PSMD1: variants seen among roughly 807,000 people sequenced by gnomAD.
PSMD1 encodes proteasome 26S subunit, non-ATPase 1.
In PSMD1, 18 loss-of-function variants were observed where a neutral mutation model predicts 119.0. The ratio of observed to expected loss-of-function variants is 0.15; its 90% CI spans 0.10 to 0.22. The LOEUF is 0.22. Ranked by LOEUF, PSMD1 falls within the 10% of genes least tolerant of loss-of-function variation. The pLI is 1.00. For synonymous variants in PSMD1, 374 were observed against 396.6 expected, an observed-to-expected ratio of 0.94 and a Z score of 0.68; for missense variants, 702 against 1,158.5, an observed-to-expected ratio of 0.61 and a Z score of 5.72.
intron 4 of PSMD1, 37 bp from the exon 5 acceptor site, chr2:231,066,869 A>G (rs2125155987): frequency 6.6e-7 from 1 of 1,507,214 alleles, no homozygotes; most frequent in African/African-American, 1.4e-5. Context: ...GTTTAGCCCA[A>G]TTTACAAGAT....
intron 16 of PSMD1, chr2:231,113,973 GGCAAC>G: frequency 2.0e-6 from 3 of 1,533,688 alleles, no homozygotes; most frequent in Non-Finnish European, 2.7e-6. Context: ...TCTATAAAAT[GGCAAC>G]TTTCAGTCTA....
At chr2:231,101,282 C>G (rs1694861346) in intron 16 of PSMD1, among the ~76,000 whole-genome samples, 2 of 152,046 alleles carry the variant, frequency 1.3e-5, no homozygotes, top group Admixed American at 6.5e-5. Context: ...GTTATCTAAC[C>G]CTTGCTCTTA....
chr2:231,115,150 T>C lies in PSMD1; in HGVS notation c.1884-23586T>C, dbSNP rs564164432. On this transcript the variant is annotated intron_variant, in intron 16 of 24. Coordinates refer to ENST00000308696, the MANE Select transcript of PSMD1 (RefSeq NM_002807.4). Reference sequence around the variant, plus strand: ...TCTTCTATTGTTAACTGTTTAAAATTTAAGGAGCCTGGGGGTGGAGAGAGA... The same window carrying C: ...TCTTCTATTGTTAACTGTTTAAAATCTAAGGAGCCTGGGGGTGGAGAGAGA... Among the ~76,000 whole-genome samples, 4 of 152,100 alleles carry C rather than the reference T, an allele frequency of 2.6e-5. No homozygotes were observed. In the South Asian group the frequency reaches 8.3e-4, roughly 32 times the overall value.
chr2:231,087,876 C>T (rs563907844), intron 16 of PSMD1, among the ~76,000 whole-genome samples: 3 of 151,922 alleles, frequency 2.0e-5, no homozygotes, highest in East Asian at 1.9e-4. Flanking sequence ...GCAGGAGAAT[C>T]GCTTGAATCT....
chr2:231,115,274 T>A (rs1436394164), intron 16 of PSMD1, among the ~76,000 whole-genome samples: 1 of 152,158 alleles, frequency 6.6e-6, no homozygotes, highest in Non-Finnish European at 1.5e-5. Context: ...GAGATTTTTT[T>A]AAAGTCAGGT....
intron 16 of PSMD1, among the ~76,000 whole-genome samples, chr2:231,103,486 A>G (rs927271500): frequency 1.3e-5 from 2 of 152,224 alleles, no homozygotes; most frequent in East Asian, 3.8e-4. Context: ...AGATCTGGCA[A>G]AACCTATGTG....
chr2:231,154,343 A>G (rs1485385326), intron 19 of PSMD1, among the ~76,000 whole-genome samples: 1 of 152,180 alleles, frequency 6.6e-6, no homozygotes, highest in African/African-American at 2.4e-5. Flanking sequence ...CTGAGGCAGG[A>G]GAATCACTTG....
rs536141090 is a variant in PSMD1, at chr2:231,145,463, A to G, written c.1999-777A>G. Among the ~76,000 whole-genome samples the G allele has an allele frequency of 7.2e-5, 11 of 152,342 alleles. No individual in the cohort carries two copies. In the South Asian group the frequency reaches 2.1e-3, roughly 29 times the overall value. On this transcript the variant is annotated intron_variant, in intron 17 of 24. Coordinates refer to ENST00000308696, the MANE Select transcript of PSMD1 (RefSeq NM_002807.4). ...GGCGTACGACACTATTGTCACTATA[A>G]TAGACTTTATAAACACTGTACACTT...
intron 5 of PSMD1, among the ~76,000 whole-genome samples, chr2:231,069,008 G>A (rs999320510): frequency 2.0e-5 from 3 of 152,124 alleles, no homozygotes; most frequent in African/African-American, 7.2e-5. Context: ...TACTGTTTGT[G>A]GTTTCAGGCA....
intron 17 of PSMD1, among the ~76,000 whole-genome samples, chr2:231,141,479 G>A (rs1265673381): frequency 6.7e-6 from 1 of 148,566 alleles, no homozygotes; most frequent in Non-Finnish European, 1.5e-5. Flanking sequence ...ACCCAGGCTG[G>A]AGTACAATGG....
At chr2:231,083,065 CCT>C in intron 13 of PSMD1, 71 bp downstream of exon 13, 3 of 1,167,718 alleles carry the variant, frequency 2.6e-6, no homozygotes, top group Non-Finnish European at 3.7e-6. Context: ...TTAGTTTCTA[CCT>C]ATATTTTGTA....
intron 16 of PSMD1, among the ~76,000 whole-genome samples, chr2:231,101,169 T>A (rs1432039978): frequency 1.3e-5 from 2 of 152,192 alleles, no homozygotes; most frequent in African/African-American, 2.4e-5. Context: ...TTAACATTGT[T>A]CACCCCCAAG....
chr2:231,078,053 A>G (rs1369038886), intron 9 of PSMD1, among the ~76,000 whole-genome samples: 1 of 152,232 alleles, frequency 6.6e-6, no homozygotes, highest in Non-Finnish European at 1.5e-5. Flanking sequence ...GGATCACCTG[A>G]GGTCAGGAGT....
intron 19 of PSMD1, among the ~76,000 whole-genome samples, chr2:231,158,864 G>T (rs1189034338): frequency 6.6e-6 from 1 of 152,130 alleles, no homozygotes; most frequent in Non-Finnish European, 1.5e-5. Context: ...TTAGCGTAGG[G>T]AAGAGTACAA....
intron 9 of PSMD1, among the ~76,000 whole-genome samples, chr2:231,078,093 C>T (rs944819059): frequency 2.0e-5 from 3 of 152,190 alleles, no homozygotes; most frequent in Non-Finnish European, 4.4e-5. Context: ...CATGGTGAAA[C>T]CCCGTCTCTA....
chr2:231,125,808 C>T (rs1394727612), intron 16 of PSMD1, among the ~76,000 whole-genome samples: 1 of 152,098 alleles, frequency 6.6e-6, no homozygotes, highest in African/African-American at 2.4e-5. Context: ...TCAAGGTTTC[C>T]TTTTAAAAGA....
At chr2:231,145,738 C>A (rs1696237120) in intron 17 of PSMD1, among the ~76,000 whole-genome samples, 1 of 151,432 alleles carries the variant, frequency 6.6e-6, no homozygotes, top group African/African-American at 2.4e-5. Context: ...ACTAAAAATA[C>A]AAAAATTAGC....
At chr2:231,162,217 T>G (rs1696657360) in intron 20 of PSMD1, among the ~76,000 whole-genome samples, 1 of 152,266 alleles carries the variant, frequency 6.6e-6, no homozygotes, top group East Asian at 1.9e-4. Context: ...ACTTGATGAT[T>G]CATCTTCTTG....
chr2:231,152,119 T>G (rs185756309), intron 18 of PSMD1, among the ~76,000 whole-genome samples: 1 of 152,002 alleles, frequency 6.6e-6, no homozygotes, highest in Non-Finnish European at 1.5e-5. Flanking sequence ...CCCGGCCACG[T>G]GAGAATTTTT....
Sources: allele counts gnomAD v4.1 joint callset (sites outside exome capture counted in the v4.1 genomes callset), GRCh38; gene constraint gnomAD v4.1.1; transcripts MANE v1.5; gene names NCBI Gene and HGNC (gene_info 2026-07-23, HGNC 2026-07-21).